CYTH4: variants seen among roughly 807,000 people sequenced by gnomAD.
CYTH4 encodes the protein cytohesin-4.
In CYTH4, 22 loss-of-function variants were observed where a neutral mutation model predicts 57.5. That is an observed-to-expected ratio of 0.38 (90% CI 0.27 to 0.55). The LOEUF is 0.55. Among genes scored for constraint, CYTH4 ranks in the 20% least tolerant of loss-of-function variants. CYTH4 has a pLI of 0.74. For missense variants in CYTH4, 420 were observed against 535.6 expected (o/e 0.78, Z 2.13); for synonymous variants, 186 against 206.5 (o/e 0.90, Z 0.85).
rs771176303 is a variant in CYTH4, at chr22:37,313,472, G to A, written c.1146G>A (p.Leu382=). The A allele has an allele frequency of 3.1e-6, 5 of 1,614,176 alleles. No individual in the cohort carries two copies. The Admixed American group carries it at 5.0e-5, about 16-fold the overall frequency. The change falls in exon 13 of 13, where the codon CTG becomes CTA. Residue 382 remains leucine, a synonymous_variant. Coordinates refer to ENST00000248901, the MANE Select transcript of CYTH4 (RefSeq NM_013385.5). ...ASITRVPFYD[L]VSTRKKKIAS... ...TCACCCGTGTCCCCTTCTACGACCT[G>A]GTCTCTACTCGGAAGAAGAAGATTG...
chr22:37,289,136 C>T (rs1442786782), intron 1 of CYTH4, among the ~76,000 whole-genome samples: 2 of 152,160 alleles, frequency 1.3e-5, no homozygotes, highest in African/African-American at 4.8e-5. Flanking sequence ...AAAAGATGGG[C>T]TCAGCATGCG....
chr22:37,282,615 G>A (rs373395307), intron 1 of CYTH4, 27 bp downstream of exon 1: 43 of 1,592,838 alleles, frequency 2.7e-5, no homozygotes, highest in Non-Finnish European at 3.6e-5. Context: ...AACCTCTCTG[G>A]GCCTCAGGGT....
Position 37,311,212 on chromosome 22 carries a change from A to G in CYTH4, c.885+148A>G. 1 of 1,017,870 alleles carries G rather than the reference A, an allele frequency of 9.8e-7. No individual in the cohort carries two copies. The highest frequency in any genetic ancestry group is 1.6e-5 in the African/African-American group (1 of 62,892). The allele number at this position is 1,017,870 out of a possible 1,614,324, so 63.1% of individuals were successfully genotyped here. Reference sequence around the variant, plus strand: ...CCATGCCCATTTTACAGATGGGGAAAACGGGTACACAGAGGAGGGCCGGGC... The same window carrying G: ...CCATGCCCATTTTACAGATGGGGAAGACGGGTACACAGAGGAGGGCCGGGC... On this transcript the variant is annotated intron_variant, in intron 10 of 12. Transcript: ENST00000248901. This position sits in a 1 kb window ranked among gnomAD's most constrained non-coding sequence, Gnocchi z 4.4.
chr22:37,306,029 T>G (rs903854808), intron 8 of CYTH4, among the ~76,000 whole-genome samples: 2 of 152,232 alleles, frequency 1.3e-5, no homozygotes, highest in Non-Finnish European at 2.9e-5. Context: ...TCTGCCCTTA[T>G]GTCTGTGTGA....
chr22:37,311,322 C>G lies in CYTH4; in HGVS notation c.886-134C>G. 1 of 825,176 alleles carries G rather than the reference C, an allele frequency of 1.2e-6. No homozygotes were observed. The highest frequency in any genetic ancestry group is 2.0e-6 in the Non-Finnish European group (1 of 507,646). The allele number at this position is 825,176 out of a possible 1,614,324, so 51.1% of individuals were successfully genotyped here. A position where few individuals can be genotyped will look rare whatever the true frequency, so the allele number is the denominator to read the frequency against. On this transcript the variant is annotated intron_variant, in intron 10 of 12. Coordinates refer to ENST00000248901, the MANE Select transcript of CYTH4 (RefSeq NM_013385.5). This position sits in a 1 kb window ranked among gnomAD's most constrained non-coding sequence, Gnocchi z 4.4. Reference sequence around the variant, plus strand: ...TTCACATGCTGCTTCTAACTTCCGTCCCCCTATGACTGGACAGTCTCGGAA... The same window carrying G: ...TTCACATGCTGCTTCTAACTTCCGTGCCCCTATGACTGGACAGTCTCGGAA...
chr22:37,311,644 C>T lies in CYTH4; in HGVS notation c.957+117C>T. ...AGGAAGCCAGGCTGTGCCCCTTACA[C>T]CTTCCCTGTGGCTCAGGGCTGCCTT... On this transcript the variant is annotated intron_variant, in intron 11 of 12. Coordinates refer to ENST00000248901, the MANE Select transcript of CYTH4 (RefSeq NM_013385.5). This position sits in a 1 kb window ranked among gnomAD's most constrained non-coding sequence, Gnocchi z 4.4. The T allele has an allele frequency of 9.5e-7, 1 of 1,048,624 alleles. No individual in the cohort carries two copies. 65.0% of individuals were successfully genotyped at this position (1,048,624 alleles called of 1,614,324 possible).
intron 4 of CYTH4, 61 bp downstream of exon 4, chr22:37,296,126 G>A: frequency 6.5e-7 from 1 of 1,534,280 alleles, no homozygotes; most frequent in Non-Finnish European, 8.9e-7. Flanking sequence ...GCACCTGCCT[G>A]GTGTCCTCTC....
At chr22:37,299,525 CTTAG>C (rs1210929443) in intron 6 of CYTH4, among the ~76,000 whole-genome samples, 1 of 152,190 alleles carries the variant, frequency 6.6e-6, no homozygotes, top group East Asian at 1.9e-4. Flanking sequence ...ATACTGCCTT[CTTAG>C]TTAGAATTCT....
chr22:37,290,401 C>G (rs781187882), intron 1 of CYTH4, among the ~76,000 whole-genome samples: 1 of 152,216 alleles, frequency 6.6e-6, no homozygotes, highest in Non-Finnish European at 1.5e-5. Context: ...TGTTGCAGGA[C>G]TCTTCCCTTG....
chr22:37,291,974 C>T (rs927881065), intron 1 of CYTH4, among the ~76,000 whole-genome samples: 6 of 152,202 alleles, frequency 3.9e-5, no homozygotes, highest in African/African-American at 1.2e-4. Context: ...CCTCTCTGAG[C>T]CCCAGTATCC....
intron 5 of CYTH4, 53 bp from the exon 6 acceptor site, chr22:37,299,173 G>A: frequency 6.9e-7 from 1 of 1,443,800 alleles, no homozygotes; most frequent in Non-Finnish European, 9.7e-7. Flanking sequence ...CAGGAGGTGG[G>A]TGCCAGCAAG....
chr22:37,310,696 C>T (rs143219685), intron 9 of CYTH4, among the ~76,000 whole-genome samples: 2 of 152,348 alleles, frequency 1.3e-5, no homozygotes, highest in African/African-American at 2.4e-5. Flanking sequence ...CAATGGATGG[C>T]GGTAGCCAGG....
At chr22:37,292,762 G>C in intron 2 of CYTH4, 59 bp downstream of exon 2, 1 of 1,550,782 alleles carries the variant, frequency 6.4e-7, no homozygotes, top group Admixed American at 1.7e-5. Context: ...ACGCTTGTAC[G>C]CACCCCACCA....
intron 7 of CYTH4, 127 bp downstream of exon 7, chr22:37,301,146 C>G (rs1156969910): frequency 1.4e-6 from 1 of 702,730 alleles, no homozygotes; most frequent in African/African-American, 1.8e-5. Context: ...CTTCATGAGC[C>G]CTCACTGAGC....
At chr22:37,309,922 A>T (rs1231396545) in intron 9 of CYTH4, 2 of 438,490 alleles carry the variant, frequency 4.6e-6, no homozygotes, top group African/African-American at 4.1e-5. Context: ...GTGGCTGTAG[A>T]GTCCAGCAGG....
chr22:37,283,692 G>A (rs1035779047), intron 1 of CYTH4, among the ~76,000 whole-genome samples: 4 of 152,192 alleles, frequency 2.6e-5, no homozygotes, highest in Admixed American at 1.3e-4. Context: ...TAAGGCAGGA[G>A]CAGGACCAAA....
intron 1 of CYTH4, among the ~76,000 whole-genome samples, chr22:37,284,454 G>A (rs549661848): frequency 1.3e-5 from 2 of 152,154 alleles, no homozygotes; most frequent in African/African-American, 2.4e-5. Flanking sequence ...GAGGAGATCT[G>A]GGAAGACCTC....
chr22:37,297,830 T>C (rs1929032994), intron 5 of CYTH4, 148 bp downstream of exon 5: 2 of 649,786 alleles, frequency 3.1e-6, no homozygotes, highest in Non-Finnish European at 2.7e-6. Context: ...CCCTCCAGAT[T>C]CTGAGTCAAA....
chr22:37,303,334 T>TG lies in CYTH4; in HGVS notation c.628_629insG (p.Phe210CysfsTer2). 6.2e-7 allele frequency: 1 copy of TG among 1,614,188 alleles called. No individual in the cohort carries two copies. Among genetic ancestry groups the TG allele is most frequent in the Non-Finnish European group, 8.5e-7 (1 of 1,180,028 alleles). Reference sequence around the variant, plus strand: ...TCCCAACGTCCGGGACAGGCCGCCTTTTGAGCGCTTTGTGTCCATGAACCG... The same window carrying TG: ...TCCCAACGTCCGGGACAGGCCGCCTTGTTGAGCGCTTTGTGTCCATGAACCG... On this transcript the variant is annotated frameshift_variant, in exon 8 of 13. Coordinates refer to ENST00000248901, the MANE Select transcript of CYTH4 (RefSeq NM_013385.5). LOFTEE classifies it high-confidence loss of function.
Sources: gnomAD v4.1 joint callset for allele counts (sites outside exome capture counted in the v4.1 genomes callset) on GRCh38, gnomAD v4.1.1 for gene constraint, Gnocchi (gnomAD v3.1) non-coding constraint, MANE v1.5 for transcripts, NCBI Gene and HGNC (gene_info 2026-07-23, HGNC 2026-07-21) for gene names.